Variants in FASTKD1 observed in about 807,000 individuals in gnomAD.
FASTKD1 encodes the protein FAST kinase domain-containing protein 1, mitochondrial.
A neutral mutation model predicts 90.9 loss-of-function variants in FASTKD1; 94 were observed. The ratio of observed to expected loss-of-function variants is 1.03; its 90% CI spans 0.88 to 1.23. The LOEUF is 1.23. FASTKD1 is among the 50% of genes most tolerant of loss of function. The probability of loss-of-function intolerance (pLI) is 0.00; values close to 1 mark genes in which losing one functional copy is unlikely to be tolerated. For missense variants in FASTKD1, 945 were observed against 993.5 expected, an observed-to-expected ratio of 0.95 and a Z score of 0.66; for synonymous variants, 319 against 345.8, an observed-to-expected ratio of 0.92 and a Z score of 0.86.
chr2:169,537,028 C>T (rs1173014897), intron 12 of FASTKD1, 199 bp downstream of exon 12: 4 of 195,662 alleles, frequency 2.0e-5, no homozygotes, highest in Admixed American at 6.6e-5. Context: ...GAATAGAAAA[C>T]GCTCTTGGTT....
At position 169,546,603 on chromosome 2, in the gene FASTKD1, A is replaced by G; in HGVS notation, c.1316T>C (p.Ile439Thr). The change falls in exon 8 of 15, where the codon ATT (isoleucine) becomes ACT (threonine). Residue 439 changes from isoleucine (I) to threonine (T), a missense_variant. Coordinates refer to ENST00000453153, the MANE Select transcript of FASTKD1 (RefSeq NM_024622.6). ...PHLDEVGISR[I>T]EAVLPQCDLN... ...GTCACACTGTGGTAAAACGGCTTCAATTCGGGATATCCCCACTTCGTCCAA... is the reference window on the plus strand; with the variant it reads ...GTCACACTGTGGTAAAACGGCTTCAGTTCGGGATATCCCCACTTCGTCCAA... 1 of 1,614,178 alleles carries G rather than the reference A, an allele frequency of 6.2e-7. No individual in the cohort carries two copies. Among genetic ancestry groups the G allele is most frequent in the Non-Finnish European group, 8.5e-7 (1 of 1,180,032 alleles).
intron 7 of FASTKD1, among the ~76,000 whole-genome samples, chr2:169,548,674 G>C (rs1021709958): frequency 3.6e-5 from 5 of 138,330 alleles, no homozygotes; most frequent in African/African-American, 5.5e-5. Context: ...GGAGGTTGCA[G>C]TGAGCCGAGA....
chr2:169,549,557 T>G (rs968114568), intron 7 of FASTKD1, among the ~76,000 whole-genome samples: 2 of 152,160 alleles, frequency 1.3e-5, no homozygotes, highest in African/African-American at 4.8e-5. Context: ...CTTGACCTCC[T>G]GGGCTCAAGT....
chr2:169,568,955 C>T (rs1374590111), intron 3 of FASTKD1, among the ~76,000 whole-genome samples: 4 of 150,082 alleles, frequency 2.7e-5, no homozygotes, highest in African/African-American at 9.8e-5. Flanking sequence ...GCTGAGACCA[C>T]GCCACTGCAC....
intron 3 of FASTKD1, among the ~76,000 whole-genome samples, chr2:169,566,218 C>A (rs531023701): frequency 9.2e-5 from 14 of 152,060 alleles, no homozygotes; most frequent in Non-Finnish European, 1.5e-4. Flanking sequence ...CCACGCCCAG[C>A]TGGTTCTATA....
intron 6 of FASTKD1, 134 bp from the exon 7 acceptor site, chr2:169,555,389 G>A (rs1683254852): frequency 1.4e-6 from 1 of 713,806 alleles, no homozygotes; most frequent in African/African-American, 1.8e-5. Context: ...TATTCTTGAA[G>A]AAATGTCTCA....
chr2:169,537,078 T>C, intron 12 of FASTKD1, 149 bp downstream of exon 12: 1 of 559,124 alleles, frequency 1.8e-6, no homozygotes, highest in Non-Finnish European at 3.1e-6. Context: ...TTTATTCTAT[T>C]GCTCTTTCTA....
rs1684356867 is a variant in FASTKD1, at chr2:169,528,616, C to T, written c.*1209G>A. Among the ~76,000 whole-genome samples, 2 of 152,170 alleles carry T rather than the reference C, an allele frequency of 1.3e-5. No homozygotes were observed. The highest frequency in any genetic ancestry group is 2.9e-5 in the Non-Finnish European group (2 of 68,032). On this transcript the variant is annotated 3_prime_UTR_variant, in exon 15 of 15. Transcript: ENST00000453153. ...GTCAAGATGGTCCACTCAGCTACTACCCCATTTCTTTGCTTCCATTTAGGA... is the reference window on the plus strand; with the variant it reads ...GTCAAGATGGTCCACTCAGCTACTATCCCATTTCTTTGCTTCCATTTAGGA...
intron 9 of FASTKD1, among the ~76,000 whole-genome samples, chr2:169,540,951 C>T (rs981726777): frequency 1.3e-5 from 2 of 152,174 alleles, no homozygotes; most frequent in African/African-American, 2.4e-5. Flanking sequence ...CCTGATTTGC[C>T]TCATCCAAGA....
At chr2:169,542,770 C>G (rs1685010556) in intron 9 of FASTKD1, among the ~76,000 whole-genome samples, 1 of 152,140 alleles carries the variant, frequency 6.6e-6, no homozygotes, top group Non-Finnish European at 1.5e-5. Context: ...AGCAGCAACC[C>G]TTCAAACAAT....
chr2:169,544,287 G>A (rs1028764049), intron 9 of FASTKD1, among the ~76,000 whole-genome samples: 1 of 152,060 alleles, frequency 6.6e-6, no homozygotes, highest in Non-Finnish European at 1.5e-5. Context: ...AGTTTTTATA[G>A]GGCCGGGCGC....
chr2:169,531,938 A>C (rs1191500818), intron 12 of FASTKD1, among the ~76,000 whole-genome samples: 1 of 152,220 alleles, frequency 6.6e-6, no homozygotes, highest in Non-Finnish European at 1.5e-5. Context: ...GACAAATTCC[A>C]GCTAATAAAT....
At position 169,562,078 on chromosome 2, in the gene FASTKD1, T is replaced by TATTTATTAATTTATTTTAAATTAATC. The variant is rs1683712438; in HGVS notation, c.572+1146_572+1147insGATTAATTTAAAATAAATTAATAAAT. Among the ~76,000 whole-genome samples, 2 of 134,324 alleles carry TATTTATTAATTTATTTTAAATTAATC rather than the reference T, an allele frequency of 1.5e-5. 1 individual carries two copies. The highest frequency in any genetic ancestry group is 3.2e-5 in the Non-Finnish European group (2 of 63,054). The allele number at this position is 134,324 out of a possible 152,430, so 88.1% of individuals were successfully genotyped here. ...ATTTATTAATTTATTGTAAAATAAT[T>TATTTATTAATTTATTTTAAATTAATC]ATTTATTAATTTATTGTAAAATAAT... On this transcript the variant is annotated intron_variant, in intron 4 of 14. Transcript: ENST00000453153.
At chr2:169,556,459 AC>A (rs1259107011) in intron 6 of FASTKD1, among the ~76,000 whole-genome samples, 1 of 149,486 alleles carries the variant, frequency 6.7e-6, no homozygotes, top group African/African-American at 2.5e-5. Context: ...AAAAAAAAAA[AC>A]GGCCAGGCAC....
At chr2:169,562,230 G>A (rs907148737) in intron 4 of FASTKD1, among the ~76,000 whole-genome samples, 12 of 141,264 alleles carry the variant, frequency 8.5e-5, no homozygotes, top group South Asian at 6.6e-4. Flanking sequence ...TTTTTTTTTC[G>A]TTTTTTGTTA....
intron 7 of FASTKD1, among the ~76,000 whole-genome samples, chr2:169,551,356 T>A (rs1174300138): frequency 1.3e-5 from 2 of 152,114 alleles, no homozygotes; most frequent in Non-Finnish European, 2.9e-5. Context: ...CTGCTGATAA[T>A]AACCAAAAAC....
At chr2:169,550,651 T>C (rs1685446717) in intron 7 of FASTKD1, among the ~76,000 whole-genome samples, 1 of 152,120 alleles carries the variant, frequency 6.6e-6, no homozygotes, top group Non-Finnish European at 1.5e-5. Context: ...GCTAATTCTT[T>C]AGTTTTTTGT....
chr2:169,556,353 T>C (rs1683308226), intron 6 of FASTKD1, among the ~76,000 whole-genome samples: 2 of 151,410 alleles, frequency 1.3e-5, no homozygotes, highest in South Asian at 4.2e-4. Flanking sequence ...AGAGGATCAA[T>C]TGAGCCTGGG....
intron 9 of FASTKD1, 86 bp from the exon 10 acceptor site, chr2:169,540,265 T>A (rs1048223702): frequency 3.1e-6 from 4 of 1,286,626 alleles, no homozygotes; most frequent in East Asian, 2.6e-5. Flanking sequence ...CCCAGGTTTT[T>A]AAAAAAAAGA....
Sources: gnomAD v4.1 joint callset for allele counts (sites outside exome capture counted in the v4.1 genomes callset) on GRCh38, gnomAD v4.1.1 for gene constraint, MANE v1.5 for transcripts, NCBI Gene and HGNC (gene_info 2026-07-23, HGNC 2026-07-21) for gene names.